TMEM178B: variants seen among roughly 807,000 people sequenced by gnomAD.
TMEM178B encodes transmembrane protein 178B.
A neutral mutation model predicts 31.0 loss-of-function variants in TMEM178B; 5 were observed. The ratio of observed to expected loss-of-function variants is 0.16; its 90% CI spans 0.08 to 0.34. The LOEUF (loss-of-function observed/expected upper bound fraction) is 0.34, where lower values mean the gene tolerates loss of function less well. TMEM178B is among the 10% of genes least tolerant of loss of function. The probability of loss-of-function intolerance (pLI) is 1.00; values close to 1 mark genes in which losing one functional copy is unlikely to be tolerated. For synonymous variants in TMEM178B, 164 were observed against 164.0 expected, an observed-to-expected ratio of 1.00 and a Z score of 0.00; for missense variants, 275 against 400.3, an observed-to-expected ratio of 0.69 and a Z score of 2.67.
chr7:141,075,766 T>C (rs920168578), intron 1 of TMEM178B, among the ~76,000 whole-genome samples: 6 of 152,366 alleles, frequency 3.9e-5, no homozygotes, highest in Middle Eastern at 3.4e-3. Context: ...GATACTATTA[T>C]TTGCAAAGTT....
chr7:141,280,915 A>C (rs964749588), intron 2 of TMEM178B, among the ~76,000 whole-genome samples: 1 of 152,154 alleles, frequency 6.6e-6, no homozygotes, highest in Non-Finnish European at 1.5e-5. Context: ...TCTTTCCTTC[A>C]GGCAGTTAAT....
At chr7:141,434,407 T>G (rs1801495764) in intron 2 of TMEM178B, among the ~76,000 whole-genome samples, 1 of 152,200 alleles carries the variant, frequency 6.6e-6, no homozygotes, top group Non-Finnish European at 1.5e-5. Flanking sequence ...GGGATAGGAT[T>G]TCTCCTAGAA....
chr7:141,428,797 C>T (rs996884419), intron 2 of TMEM178B, among the ~76,000 whole-genome samples: 2 of 152,192 alleles, frequency 1.3e-5, no homozygotes, highest in Non-Finnish European at 2.9e-5. Context: ...CTTCCTTTCA[C>T]CCCTGCTATG....
chr7:141,499,746 G>A, the TMEM178B span, among the ~76,000 whole-genome samples: 2 of 152,092 alleles, frequency 1.3e-5, no homozygotes, highest in Non-Finnish European at 2.9e-5. Context: ...CAAATTTAAC[G>A]TGATTTTTGT....
At chr7:141,202,355 C>T (rs946634672) in intron 1 of TMEM178B, among the ~76,000 whole-genome samples, 3 of 59,574 alleles carry the variant, frequency 5.0e-5, no homozygotes, top group African/African-American at 2.0e-4. Context: ...GGGTCAGAAA[C>T]ATGATGGTCG....
chr7:141,487,698 G>A, the TMEM178B span, among the ~76,000 whole-genome samples: 7 of 128,546 alleles, frequency 5.4e-5, no homozygotes, highest in South Asian at 5.2e-4. Context: ...CCGAGATGGC[G>A]CCACTGCACT....
chr7:141,163,497 A>G (rs1230223790), intron 1 of TMEM178B, among the ~76,000 whole-genome samples: 4 of 151,266 alleles, frequency 2.6e-5, no homozygotes, highest in African/African-American at 9.7e-5. Context: ...GGTATTCTCT[A>G]TTTAGCAAAC....
In TMEM178B at chr7:141,299,984, A is replaced by G. The variant is rs147033773; in HGVS notation, c.496+87280A>G. Among the ~76,000 whole-genome samples the G allele has an allele frequency of 1.8e-3, 275 of 152,136 alleles. 3 individuals are homozygous for G. Among genetic ancestry groups the G allele is most frequent in the African/African-American group, 6.5e-3 (269 of 41,484 alleles). On this transcript the variant is annotated intron_variant, in intron 2 of 3. Coordinates refer to ENST00000565468, the MANE Select transcript of TMEM178B (RefSeq NM_001195278.2). The stretch of plus-strand genomic sequence containing the variant: ...TTTCTTGTAAAGATGGGGTCTTGCT[A>G]TGTTGTCCAGGTTGGTCTTGAACTT...
chr7:141,373,980 C>T (rs1586919378), intron 2 of TMEM178B, among the ~76,000 whole-genome samples: 1 of 152,296 alleles, frequency 6.6e-6, no homozygotes, highest in East Asian at 1.9e-4. Flanking sequence ...CTTTAACAGA[C>T]AAGGAAATGG....
At chr7:141,097,953 G>A in intron 1 of TMEM178B, among the ~76,000 whole-genome samples, 1 of 151,696 alleles carries the variant, frequency 6.6e-6, no homozygotes, top group Non-Finnish European at 1.5e-5. Context: ...CACCATGCCT[G>A]GCTAATTTTT....
At chr7:141,140,855 C>T (rs1457978510) in intron 1 of TMEM178B, among the ~76,000 whole-genome samples, 2 of 152,164 alleles carry the variant, frequency 1.3e-5, no homozygotes, top group Non-Finnish European at 2.9e-5. Context: ...CACTGTGTAT[C>T]AAGGGTGCAT....
chr7:141,218,737 C>T (rs1202184196), intron 2 of TMEM178B, among the ~76,000 whole-genome samples: 1 of 152,126 alleles, frequency 6.6e-6, no homozygotes, highest in Non-Finnish European at 1.5e-5. Flanking sequence ...CCCCAGGGTC[C>T]CTGGTGCTGT....
chr7:141,378,900 ACGAAACATTT>A (rs1370557529), intron 2 of TMEM178B, among the ~76,000 whole-genome samples: 1 of 152,214 alleles, frequency 6.6e-6, no homozygotes, highest in Non-Finnish European at 1.5e-5. Context: ...GCCACTAGCC[ACGAAACATTT>A]CAGAATTGCC....
chr7:141,334,956 G>C (rs543826314), intron 2 of TMEM178B, among the ~76,000 whole-genome samples: 1 of 152,206 alleles, frequency 6.6e-6, no homozygotes, highest in Admixed American at 6.5e-5. Flanking sequence ...TAGGAGAAGT[G>C]GGGAGAAAAA....
intron 3 of TMEM178B, among the ~76,000 whole-genome samples, chr7:141,441,412 G>A (rs866655139): frequency 6.6e-6 from 1 of 152,144 alleles, no homozygotes; most frequent in Non-Finnish European, 1.5e-5. Flanking sequence ...TCAGCCACTC[G>A]AACCATAGAG....
At chr7:141,435,975 G>C (rs530670444) in intron 2 of TMEM178B, among the ~76,000 whole-genome samples, 12 of 152,260 alleles carry the variant, frequency 7.9e-5, no homozygotes, top group Non-Finnish European at 1.0e-4. Flanking sequence ...GGAAGGGTCT[G>C]CTGCTGTTCC....
At chr7:141,462,889 G>A (rs2116720360) in intron 3 of TMEM178B, among the ~76,000 whole-genome samples, 1 of 152,088 alleles carries the variant, frequency 6.6e-6, no homozygotes, top group South Asian at 2.1e-4. Context: ...GAGTTGCGAG[G>A]TGATGTTGTG....
At position 141,324,416 on chromosome 7, in the gene TMEM178B, GTTTTTTTTTTTTTTTTTTTTTT is replaced by G. The variant is rs56316531; in HGVS notation, c.496+111728_496+111749del. On this transcript the variant is annotated intron_variant, in intron 2 of 3. Coordinates refer to ENST00000565468, the MANE Select transcript of TMEM178B (RefSeq NM_001195278.2). ...TGTGAGAGCAAGAGAGGAGACCAGGGTTTTTTTTTTTTTTTTTTTTTTTTTTTTTTTTTTTTTCCTGAGCGAT... is the reference window on the plus strand; with the variant it reads ...TGTGAGAGCAAGAGAGGAGACCAGGGTTTTTTTTTTTTTTTCCTGAGCGAT... Among the ~76,000 whole-genome samples, 238 of 85,776 alleles carry G rather than the reference GTTTTTTTTTTTTTTTTTTTTTT, an allele frequency of 2.8e-3. 1 individual carries two copies. Among genetic ancestry groups the G allele is most frequent in the Non-Finnish European group, 4.9e-3 (207 of 41,990 alleles). The allele number at this position is 85,776 out of a possible 152,430, so 56.3% of individuals were successfully genotyped here. A position where few individuals can be genotyped will look rare whatever the true frequency, so the allele number is the denominator to read the frequency against.
At chr7:141,498,052 T>C in the TMEM178B span, among the ~76,000 whole-genome samples, 3 of 152,310 alleles carry the variant, frequency 2.0e-5, no homozygotes, top group Middle Eastern at 3.4e-3. Flanking sequence ...TTTTAAAGAC[T>C]CAAGCATTAA....
Sources: allele counts gnomAD v4.1 joint callset (sites outside exome capture counted in the v4.1 genomes callset), GRCh38; gene constraint gnomAD v4.1.1; transcripts MANE v1.5; gene names NCBI Gene and HGNC (gene_info 2026-07-23, HGNC 2026-07-21).